Variants in CDH12 observed in about 807,000 individuals in gnomAD.
CDH12 encodes the protein cadherin 12.
A neutral mutation model predicts 74.1 loss-of-function variants in CDH12; 41 were observed. That is an observed-to-expected ratio of 0.55 (90% CI 0.43 to 0.72). The LOEUF (loss-of-function observed/expected upper bound fraction) is 0.72. Among genes scored for constraint, CDH12 ranks in the 30% least tolerant of loss-of-function variants. CDH12 has a pLI of 0.00. For missense variants in CDH12, 945 were observed against 977.2 expected, an observed-to-expected ratio of 0.97 and a Z score of 0.44; for synonymous variants, 399 against 355.0, an observed-to-expected ratio of 1.12 and a Z score of -1.39.
intron 1 of CDH12, among the ~76,000 whole-genome samples, chr5:22,598,477 A>T (rs1736703556): frequency 6.6e-6 from 1 of 152,134 alleles, no homozygotes; most frequent in Non-Finnish European, 1.5e-5. Flanking sequence ...TTCCACCATG[A>T]TTACAAGTTT....
At chr5:21,767,520 A>C (rs1048416290) in intron 11 of CDH12, among the ~76,000 whole-genome samples, 1 of 151,616 alleles carries the variant, frequency 6.6e-6, no homozygotes, top group East Asian at 1.9e-4. Context: ...TTTAGCTATG[A>C]CAATGTTTTG....
chr5:21,930,865 A>T (rs1253409414), intron 6 of CDH12, among the ~76,000 whole-genome samples: 1 of 152,202 alleles, frequency 6.6e-6, no homozygotes. Context: ...CATCATTTTT[A>T]TTACAAAAAT....
intron 5 of CDH12, among the ~76,000 whole-genome samples, chr5:22,070,412 T>C (rs1254589649): frequency 1.3e-5 from 2 of 152,168 alleles, no homozygotes; most frequent in Non-Finnish European, 2.9e-5. Context: ...TCAATCATGA[T>C]CATGGGTGTT....
intron 6 of CDH12, among the ~76,000 whole-genome samples, chr5:21,911,849 A>T (rs538934969): frequency 6.8e-4 from 104 of 151,914 alleles, no homozygotes; most frequent in African/African-American, 2.4e-3. Context: ...TTCAACTTTA[A>T]TTTTTTTTGT....
intron 1 of CDH12, among the ~76,000 whole-genome samples, chr5:22,800,830 G>A (rs983272701): frequency 2.4e-4 from 36 of 151,958 alleles, no homozygotes; most frequent in African/African-American, 8.2e-4. Context: ...ATTTTATGTA[G>A]CACTTTACAT....
chr5:22,210,846 AT>A (rs1364635308), intron 4 of CDH12, among the ~76,000 whole-genome samples: 3 of 151,548 alleles, frequency 2.0e-5, no homozygotes, highest in African/African-American at 7.3e-5. Context: ...AAAAAAAAAA[AT>A]AAGAAGCCAA....
intron 6 of CDH12, chr5:21,884,129 G>T: frequency 6.7e-7 from 1 of 1,491,040 alleles, no homozygotes; most frequent in South Asian, 1.1e-5. Context: ...TTATGAATAT[G>T]GTAGAAAAAG....
chr5:22,346,896 A>G (rs1740139202), intron 3 of CDH12, among the ~76,000 whole-genome samples: 1 of 152,228 alleles, frequency 6.6e-6, no homozygotes, highest in South Asian at 2.1e-4. Flanking sequence ...GGAAAAGAAG[A>G]AAAGAAAAAA....
intron 3 of CDH12, among the ~76,000 whole-genome samples, chr5:22,249,370 C>T (rs756454769): frequency 6.6e-6 from 1 of 152,056 alleles, no homozygotes; most frequent in African/African-American, 2.4e-5. Context: ...GAGACAGCTG[C>T]GTGGCGGGAG....
intron 4 of CDH12, among the ~76,000 whole-genome samples, chr5:22,151,221 A>G (rs1353843274): frequency 6.6e-6 from 1 of 152,146 alleles, no homozygotes; most frequent in African/African-American, 2.4e-5. Context: ...ATTCAAATAC[A>G]TGCAGCCTGA....
chr5:22,703,519 A>G (rs1369024306), intron 1 of CDH12, among the ~76,000 whole-genome samples: 1 of 152,152 alleles, frequency 6.6e-6, no homozygotes, highest in East Asian at 1.9e-4. Context: ...AAAATGAGTG[A>G]GTGTCTAAGT....
chr5:22,379,029 T>G (rs1741651739), intron 3 of CDH12, among the ~76,000 whole-genome samples: 1 of 152,126 alleles, frequency 6.6e-6, no homozygotes, highest in East Asian at 1.9e-4. Flanking sequence ...AACAACTACT[T>G]AACATTATAA....
chr5:22,488,669 C>G (rs1164764935), intron 2 of CDH12, among the ~76,000 whole-genome samples: 1 of 152,158 alleles, frequency 6.6e-6, no homozygotes, highest in Non-Finnish European at 1.5e-5. Context: ...TATCCTAGGG[C>G]CAACTACCAG....
chr5:22,654,108 C>T (rs568895357), intron 1 of CDH12, among the ~76,000 whole-genome samples: 1 of 149,848 alleles, frequency 6.7e-6, no homozygotes. Context: ...TCCTTCCTTC[C>T]CTGTCCTTCC....
At chr5:21,799,824 C>G (rs1272214055) in intron 10 of CDH12, among the ~76,000 whole-genome samples, 1 of 152,096 alleles carries the variant, frequency 6.6e-6, no homozygotes, top group East Asian at 1.9e-4. Context: ...TAGGGTCGCT[C>G]AGTGGAGCCC....
chr5:22,067,092 T>C (rs1029059519), intron 5 of CDH12, among the ~76,000 whole-genome samples: 1 of 152,218 alleles, frequency 6.6e-6, no homozygotes, highest in African/African-American at 2.4e-5. Flanking sequence ...ATTAACTCTT[T>C]AGTCCTATGC....
intron 5 of CDH12, among the ~76,000 whole-genome samples, chr5:22,046,430 C>CTTTTTTT (rs11323330): frequency 0.018 from 1,802 of 100,346 alleles, 186 homozygotes; most frequent in African/African-American, 0.073. Context: ...CATTTAATTT[C>CTTTTTTT]TTTTTTTTTT....
chr5:21,825,624 C>A (rs1287507961), intron 8 of CDH12, among the ~76,000 whole-genome samples: 2 of 152,146 alleles, frequency 1.3e-5, no homozygotes, highest in South Asian at 2.1e-4. Context: ...TTAACAACCA[C>A]TCCACAAGCA....
intron 3 of CDH12, among the ~76,000 whole-genome samples, chr5:22,265,294 T>C (rs1344697221): frequency 2.0e-5 from 3 of 152,188 alleles, no homozygotes; most frequent in Admixed American, 6.6e-5. Flanking sequence ...GAAATTATAG[T>C]GACTGATTAT....
Sources: allele counts gnomAD v4.1 joint callset (sites outside exome capture counted in the v4.1 genomes callset), GRCh38; gene constraint gnomAD v4.1.1; transcripts MANE v1.5; gene names NCBI Gene and HGNC (gene_info 2026-07-23, HGNC 2026-07-21).